NPAS3: variants seen among roughly 807,000 people sequenced by gnomAD.
NPAS3 encodes the protein neuronal PAS domain-containing protein 3.
In NPAS3, 14 loss-of-function variants were observed where a neutral mutation model predicts 73.1. The observed-to-expected ratio is 0.19, with a 90% CI of 0.13 to 0.30. The LOEUF (loss-of-function observed/expected upper bound fraction) is 0.30. NPAS3 is among the 10% of genes least tolerant of loss of function. The probability of loss-of-function intolerance (pLI) is 1.00; values close to 1 mark genes in which losing one functional copy is unlikely to be tolerated. For synonymous variants in NPAS3, 620 were observed against 541.5 expected, an observed-to-expected ratio of 1.14 and a Z score of -2.01; for missense variants, 1,096 against 1,250.0, an observed-to-expected ratio of 0.88 and a Z score of 1.86.
chr14:33,650,955 G>C (rs562177906), intron 5 of NPAS3, among the ~76,000 whole-genome samples: 1 of 152,294 alleles, frequency 6.6e-6, no homozygotes, highest in East Asian at 1.9e-4. Flanking sequence ...CATGGAACAA[G>C]AAGAGGGAAA....
chr14:33,789,583 CTTTTTTTT>C (rs10567527), intron 9 of NPAS3, among the ~76,000 whole-genome samples: 5,978 of 92,520 alleles, frequency 0.065, 330 homozygotes, highest in East Asian at 0.17. Flanking sequence ...TAGAGTACAA[CTTTTTTTT>C]TTTTTTTTTT....
At chr14:33,609,890 G>A (rs1045711523) in intron 5 of NPAS3, among the ~76,000 whole-genome samples, 7 of 152,086 alleles carry the variant, frequency 4.6e-5, no homozygotes, top group Admixed American at 6.6e-5. Flanking sequence ...CCAGCTGTGG[G>A]GGACATTGTT....
chr14:33,619,087 C>T (rs375482103), intron 5 of NPAS3, among the ~76,000 whole-genome samples: 10 of 152,088 alleles, frequency 6.6e-5, no homozygotes, highest in South Asian at 2.1e-4. Context: ...TATACTTTAA[C>T]GTATAGATAC....
At chr14:33,246,852 A>C (rs1356366093) in intron 3 of NPAS3, among the ~76,000 whole-genome samples, 1 of 147,064 alleles carries the variant, frequency 6.8e-6, no homozygotes, top group Admixed American at 6.8e-5. Context: ...AAAAAAAAAA[A>C]AAAAAAAAAA....
rs143263944 is a variant in NPAS3, at chr14:33,447,147, C to T, written c.468+79879C>T. On this transcript the variant is annotated intron_variant, in intron 4 of 11. Coordinates refer to ENST00000356141, the Ensembl canonical transcript of NPAS3. Reference sequence around the variant, plus strand: ...TATCACATGGGCATATGCAAAAGGCCGTTGGGGCCTAAAGGACTATCTTAG... The same window carrying T: ...TATCACATGGGCATATGCAAAAGGCTGTTGGGGCCTAAAGGACTATCTTAG... Among the ~76,000 whole-genome samples the T allele has an allele frequency of 7.9e-4, 120 of 152,288 alleles. 1 individual carries two copies. The East Asian group carries it at 0.022, about 27-fold the overall frequency.
intron 5 of NPAS3, among the ~76,000 whole-genome samples, chr14:33,618,191 G>A (rs2057976951): frequency 6.6e-6 from 1 of 152,134 alleles, no homozygotes; most frequent in African/African-American, 2.4e-5. Context: ...ATGGAAGACA[G>A]TTTTTTCATG....
chr14:33,709,142 C>T (rs1010431222), intron 6 of NPAS3, among the ~76,000 whole-genome samples: 1 of 152,190 alleles, frequency 6.6e-6, no homozygotes, highest in Non-Finnish European at 1.5e-5. Context: ...ACTCTTCTGC[C>T]TGCCTGCGGC....
At chr14:33,756,842 G>A (rs368130365) in intron 7 of NPAS3, among the ~76,000 whole-genome samples, 9 of 152,342 alleles carry the variant, frequency 5.9e-5, no homozygotes, top group African/African-American at 2.2e-4. Context: ...GACAGCAAGA[G>A]AGCAATCCCT....
At chr14:33,503,717 G>T (rs2052625864) in intron 4 of NPAS3, among the ~76,000 whole-genome samples, 1 of 151,818 alleles carries the variant, frequency 6.6e-6, no homozygotes, top group Admixed American at 6.6e-5. Flanking sequence ...TGATACTTGG[G>T]GAAAATCCAG....
chr14:33,531,539 G>T (rs4981197), intron 4 of NPAS3, among the ~76,000 whole-genome samples: 71,019 of 151,918 alleles, frequency 0.47, 20,241 homozygotes, highest in African/African-American at 0.82. Flanking sequence ...TGAGTGGTAT[G>T]CCTATGTACA....
chr14:33,712,437 G>A (rs977844617), intron 6 of NPAS3, among the ~76,000 whole-genome samples: 1 of 152,342 alleles, frequency 6.6e-6, no homozygotes, highest in East Asian at 1.9e-4. Context: ...TTCATGAAGA[G>A]AAGCCAACTA....
intron 6 of NPAS3, among the ~76,000 whole-genome samples, chr14:33,709,363 C>G (rs1390838101): frequency 6.6e-6 from 1 of 152,162 alleles, no homozygotes; most frequent in African/African-American, 2.4e-5. Flanking sequence ...AATAATATCA[C>G]AGGATGCCAG....
intron 2 of NPAS3, among the ~76,000 whole-genome samples, chr14:33,112,664 A>C (rs184488783): frequency 6.6e-6 from 1 of 152,198 alleles, no homozygotes; most frequent in Admixed American, 6.5e-5. Context: ...GAAGCTCTTT[A>C]GTTTAATTAG....
chr14:32,979,592 A>G (rs8022365), intron 1 of NPAS3, among the ~76,000 whole-genome samples: 25,603 of 152,134 alleles, frequency 0.17, 2,564 homozygotes, highest in African/African-American at 0.28. Context: ...GGCCATACAC[A>G]TATGTGGGCC....
At chr14:33,102,155 A>C (rs2042595832) in intron 2 of NPAS3, among the ~76,000 whole-genome samples, 1 of 152,036 alleles carries the variant, frequency 6.6e-6, no homozygotes, top group Non-Finnish European at 1.5e-5. Flanking sequence ...TTCATTCTTC[A>C]TATGGTCACC....
chr14:33,111,243 C>A (rs1005087247), intron 2 of NPAS3, among the ~76,000 whole-genome samples: 1 of 152,164 alleles, frequency 6.6e-6, no homozygotes, highest in African/African-American at 2.4e-5. Flanking sequence ...TTGAATGTCC[C>A]CCTACAGCAG....
chr14:33,522,645 T>G (rs541457901), intron 4 of NPAS3, among the ~76,000 whole-genome samples: 1 of 152,196 alleles, frequency 6.6e-6, no homozygotes, highest in African/African-American at 2.4e-5. Context: ...AAAACCACAT[T>G]TAAGACTGTG....
At chr14:33,690,416 C>T (rs1338884357) in intron 6 of NPAS3, among the ~76,000 whole-genome samples, 2 of 152,036 alleles carry the variant, frequency 1.3e-5, no homozygotes, top group Non-Finnish European at 2.9e-5. Flanking sequence ...GGCCACCAAG[C>T]AGTCATGAGA....
chr14:33,606,435 G>A (rs986470016), intron 5 of NPAS3, among the ~76,000 whole-genome samples: 35 of 151,584 alleles, frequency 2.3e-4, no homozygotes, highest in Non-Finnish European at 4.1e-4. Context: ...AGTATTCCAT[G>A]GTGTATATGA....
Sources: allele counts gnomAD v4.1 joint callset (sites outside exome capture counted in the v4.1 genomes callset), GRCh38; gene constraint gnomAD v4.1.1; transcripts MANE v1.5; gene names NCBI Gene and HGNC (gene_info 2026-07-23, HGNC 2026-07-21).